Variants in ITPR3 observed in about 807,000 individuals in gnomAD.
ITPR3 encodes inositol 1,4,5-trisphosphate-gated calcium channel ITPR3.
A neutral mutation model predicts 293.2 loss-of-function variants in ITPR3; 173 were observed. The observed-to-expected ratio is 0.59, with a 90% CI of 0.52 to 0.67. The LOEUF (loss-of-function observed/expected upper bound fraction) is 0.67. Among genes scored for constraint, ITPR3 ranks in the 30% least tolerant of loss-of-function variants. The pLI, the probability that ITPR3 is intolerant of heterozygous loss-of-function variation, is 0.00. For synonymous variants in ITPR3, 1,295 were observed against 1,444.4 expected (o/e 0.90, Z 2.35); for missense variants, 2,796 against 3,592.1 (o/e 0.78, Z 5.66).
intron 3 of ITPR3, 77 bp from the exon 4 acceptor site, chr6:33,657,855 A>T: frequency 8.7e-7 from 1 of 1,153,606 alleles, no homozygotes; most frequent in Non-Finnish European, 1.3e-6. Flanking sequence ...GTGTGCGTGC[A>T]TGTGTGGGGC....
chr6:33,665,361 A>C, intron 13 of ITPR3, 148 bp downstream of exon 13: 3 of 1,059,326 alleles, frequency 2.8e-6, no homozygotes, highest in Non-Finnish European at 4.0e-6. Flanking sequence ...TGAGCCTGGG[A>C]CCCTGGAGTT....
Position 33,691,153 on chromosome 6 carries a change from T to C in ITPR3, c.7225+44T>C, listed in dbSNP as rs1389223010. The C allele has an allele frequency of 1.3e-6, 2 of 1,593,312 alleles. No individual in the cohort carries two copies. Among genetic ancestry groups the C allele is most frequent in the Non-Finnish European group, 1.7e-6 (2 of 1,162,916 alleles). On this transcript the variant is annotated intron_variant, in intron 52 of 57. Coordinates refer to ENST00000605930, the MANE Select transcript of ITPR3 (RefSeq NM_002224.4). This position sits in a 1 kb window ranked among gnomAD's most constrained non-coding sequence, Gnocchi z 4.9. ...CCTGGGCAGGTTGTGGGGAATGAGG[T>C]TGGGTCTCACAAATGTCTGGCGTCA...
chr6:33,681,607 C>T (rs1269351724), intron 33 of ITPR3, among the ~76,000 whole-genome samples: 2 of 151,962 alleles, frequency 1.3e-5, no homozygotes, highest in African/African-American at 4.8e-5. Context: ...GCTACATGAC[C>T]GAAATCAAAG....
chr6:33,621,816 C>G lies in ITPR3; in HGVS notation c.89+125C>G. 1.4e-6 allele frequency: 1 copy of G among 690,538 alleles called. No individual in the cohort carries two copies. Among genetic ancestry groups the G allele is most frequent in the Non-Finnish European group, 2.5e-6 (1 of 399,992 alleles). The allele number at this position is 690,538 out of a possible 1,614,324, so 42.8% of individuals were successfully genotyped here. A position where few individuals can be genotyped will look rare whatever the true frequency, so the allele number is the denominator to read the frequency against. ...TGGACGTCCCCCTAGTCTCAAGGAG[C>G]GGGAACGGCTCGCCTCCTTCTTTTA... On this transcript the variant is annotated intron_variant, in intron 1 of 57. Transcript: ENST00000605930. This position sits in a 1 kb window ranked among gnomAD's most constrained non-coding sequence, Gnocchi z 7.7.
At chr6:33,673,910 G>C (rs1342316199) in intron 23 of ITPR3, among the ~76,000 whole-genome samples, 190 bp downstream of exon 23, 2 of 152,248 alleles carry the variant, frequency 1.3e-5, no homozygotes, top group African/African-American at 4.8e-5. Flanking sequence ...TCCAAATGGG[G>C]AAACTGAGGC....
rs542562229 is a variant in ITPR3 at position 33,631,047 on chromosome 6, C to G, written c.89+9356C>G. Among the ~76,000 whole-genome samples the G allele has an allele frequency of 5.6e-4, 86 of 152,228 alleles. 1 individual carries two copies. The highest frequency in any genetic ancestry group is 6.8e-3 in the Middle Eastern group (2 of 294). ...TGACTTTGGCTATCTGGAGAAAGGG[C>G]CCCCCAGGCTTCCCACCCACCACCA... On this transcript the variant is annotated intron_variant, in intron 1 of 57. Transcript: ENST00000605930.
In ITPR3 at chr6:33,655,952, G is replaced by A. The variant is rs1416179322; in HGVS notation, c.282+65G>A. 9 of 1,594,442 alleles carry A rather than the reference G, an allele frequency of 5.6e-6. No homozygotes were observed. The highest frequency in any genetic ancestry group is 2.2e-5 in the South Asian group (2 of 90,200). ...CCAGGAACCTGGGTACACAAGCAGC[G>A]GTGCTGCTTGTCGGAGCCAGTAGGG... On this transcript the variant is annotated intron_variant, in intron 3 of 57. Transcript: ENST00000605930. This position sits in a 1 kb window ranked among gnomAD's most constrained non-coding sequence, Gnocchi z 4.9.
chr6:33,692,671 T>C lies in ITPR3; in HGVS notation c.7459-57T>C. On this transcript the variant is annotated intron_variant, in intron 54 of 57. Transcript: ENST00000605930. This position sits in a 1 kb window ranked among gnomAD's most constrained non-coding sequence, Gnocchi z 4.2. The stretch of plus-strand genomic sequence containing the variant: ...CCCTGGCCCCAACCTGAGTCCTATC[T>C]TGCCCCAGTGAATGTGGGGACCACC... 6.4e-7 allele frequency: 1 copy of C among 1,568,562 alleles called. No homozygotes were observed. The highest frequency in any genetic ancestry group is 8.7e-7 in the Non-Finnish European group (1 of 1,144,864).
chr6:33,687,359 C>T lies in ITPR3; in HGVS notation c.6177+32C>T, dbSNP rs1765260400. The T allele has an allele frequency of 1.3e-6, 2 of 1,518,378 alleles. No homozygotes were observed. The highest frequency in any genetic ancestry group is 1.1e-5 in the South Asian group (1 of 86,960). The allele number at this position is 1,518,378 out of a possible 1,614,324, so 94.1% of individuals were successfully genotyped here. A position where few individuals can be genotyped will look rare whatever the true frequency, so the allele number is the denominator to read the frequency against. ...GTTCCACCCGTGGCAACGGCCATCA[C>T]CCCCCTGGCCACCATACCCCGCCCC... On this transcript the variant is annotated intron_variant, in intron 45 of 57. Coordinates refer to ENST00000605930, the MANE Select transcript of ITPR3 (RefSeq NM_002224.4). The surrounding 1 kb of genome is among the most constrained non-coding windows in gnomAD (Gnocchi z 5.3).
intron 7 of ITPR3, among the ~76,000 whole-genome samples, chr6:33,661,852 C>T (rs762599033): frequency 8.3e-5 from 10 of 120,870 alleles, no homozygotes; most frequent in Admixed American, 1.8e-4. Context: ...ATAAATTAGC[C>T]GGGCGTGGTG....
chr6:33,685,880 A>C, intron 41 of ITPR3, 53 bp downstream of exon 41: 1 of 1,542,388 alleles, frequency 6.5e-7, no homozygotes. Context: ...GCCGGCATGC[A>C]GACTAGGCAG....
Position 33,672,246 on chromosome 6 carries a change from G to T in ITPR3, c.2928+18G>T. The T allele has an allele frequency of 6.2e-7, 1 of 1,606,224 alleles. No individual in the cohort carries two copies. The highest frequency in any genetic ancestry group is 8.5e-7 in the Non-Finnish European group (1 of 1,174,512). On this transcript the variant is annotated intron_variant, in intron 22 of 57. Coordinates refer to ENST00000605930, the MANE Select transcript of ITPR3 (RefSeq NM_002224.4). The surrounding 1 kb of genome is among the most constrained non-coding windows in gnomAD (Gnocchi z 5.0). ...TCCTTCAGGTGCCTGGGCCAGGACCGTGTGGGAGGTGTTGGGTATAGGGGG... is the reference window on the plus strand; with the variant it reads ...TCCTTCAGGTGCCTGGGCCAGGACCTTGTGGGAGGTGTTGGGTATAGGGGG...
chr6:33,636,155 A>T (rs1763818706), intron 1 of ITPR3, among the ~76,000 whole-genome samples: 1 of 142,506 alleles, frequency 7.0e-6, no homozygotes, highest in Non-Finnish European at 1.5e-5. Flanking sequence ...AAAAAAAATT[A>T]GCTGGGCATG....
At position 33,624,780 on chromosome 6, in the gene ITPR3, G is replaced by T. The variant is rs1263247939; in HGVS notation, c.89+3089G>T. ...AAGGCAGGGGTGGCCTTGGTGGGCA[G>T]ATGGGCCAGGTCACCTGGGAGATGG... On this transcript the variant is annotated intron_variant, in intron 1 of 57. Coordinates refer to ENST00000605930, the MANE Select transcript of ITPR3 (RefSeq NM_002224.4). The surrounding 1 kb of genome is among the most constrained non-coding windows in gnomAD (Gnocchi z 4.7). 6.6e-6 allele frequency among the ~76,000 whole-genome samples: 1 copy of T among 152,232 alleles called. No homozygotes were observed. The highest frequency in any genetic ancestry group is 2.4e-5 in the African/African-American group (1 of 41,454).
chr6:33,639,718 G>C (rs930719559), intron 1 of ITPR3, among the ~76,000 whole-genome samples: 1 of 151,952 alleles, frequency 6.6e-6, no homozygotes, highest in African/African-American at 2.4e-5. Flanking sequence ...GGATGGATGG[G>C]TGCATGGGTG....
chr6:33,643,890 C>G (rs12205634), intron 2 of ITPR3, among the ~76,000 whole-genome samples: 27,153 of 152,146 alleles, frequency 0.18, 3,119 homozygotes, highest in South Asian at 0.26. Flanking sequence ...CAAGTCTACA[C>G]GATAGTAAAG....
chr6:33,649,846 G>A (rs1384213930), intron 2 of ITPR3, among the ~76,000 whole-genome samples: 1 of 152,104 alleles, frequency 6.6e-6, no homozygotes, highest in African/African-American at 2.4e-5. Context: ...ATCTGTGGAG[G>A]ACCTGGGAGT....
At chr6:33,623,551 C>T (rs543199418) in intron 1 of ITPR3, among the ~76,000 whole-genome samples, 34 of 152,090 alleles carry the variant, frequency 2.2e-4, no homozygotes, top group African/African-American at 8.0e-4. Flanking sequence ...TGGTCTCTAA[C>T]TCCTGAGCTC....
At chr6:33,668,898 C>A in intron 17 of ITPR3, 76 bp from the exon 18 acceptor site, 1 of 1,465,888 alleles carries the variant, frequency 6.8e-7, no homozygotes. Flanking sequence ...ACTGTGTGGC[C>A]GGGTGTGCTC....
Sources: allele counts gnomAD v4.1 joint callset (sites outside exome capture counted in the v4.1 genomes callset), GRCh38; gene constraint gnomAD v4.1.1; non-coding constraint Gnocchi (gnomAD v3.1); transcripts MANE v1.5; gene names NCBI Gene and HGNC (gene_info 2026-07-23, HGNC 2026-07-21).